MYO1B: variants seen among roughly 807,000 people sequenced by gnomAD.
The protein encoded by MYO1B is myosin IB.
Under a neutral mutation model 159.7 loss-of-function variants are expected in MYO1B, and 72 were observed. The ratio of observed to expected loss-of-function variants is 0.45; its 90% CI spans 0.37 to 0.55. The LOEUF (loss-of-function observed/expected upper bound fraction) is 0.55. Among genes scored for constraint, MYO1B ranks in the 20% least tolerant of loss-of-function variants. The pLI is 0.00. For synonymous variants in MYO1B, 468 were observed against 473.8 expected (o/e 0.99, Z 0.16); for missense variants, 1,062 against 1,364.8 (o/e 0.78, Z 3.50).
chr2:191,374,452 G>A (rs2126050748), intron 13 of MYO1B, among the ~76,000 whole-genome samples: 1 of 152,282 alleles, frequency 6.6e-6, no homozygotes, highest in South Asian at 2.1e-4. Context: ...TTAAAAAAAT[G>A]CGTCTAGTTG....
chr2:191,271,979 G>A (rs1486861907), intron 1 of MYO1B, among the ~76,000 whole-genome samples: 1 of 152,162 alleles, frequency 6.6e-6, no homozygotes, highest in East Asian at 1.9e-4. Flanking sequence ...GTCACAGATG[G>A]CCATTTTCAG....
intron 4 of MYO1B, among the ~76,000 whole-genome samples, chr2:191,336,160 C>T (rs1421312505): frequency 1.3e-5 from 2 of 152,154 alleles, no homozygotes; most frequent in African/African-American, 4.8e-5. Context: ...CGTTAGGAAA[C>T]ATAATTATTT....
At chr2:191,251,451 C>G (rs1686109564) in intron 1 of MYO1B, among the ~76,000 whole-genome samples, 1 of 152,174 alleles carries the variant, frequency 6.6e-6, no homozygotes, top group South Asian at 2.1e-4. Flanking sequence ...TTTTGCTTAT[C>G]AGATAAGCAC....
At chr2:191,373,446 C>T (rs1016290934) in intron 13 of MYO1B, among the ~76,000 whole-genome samples, 2 of 152,166 alleles carry the variant, frequency 1.3e-5, no homozygotes, top group South Asian at 2.1e-4. Context: ...TGCTGCTTGG[C>T]CACTGTATGA....
chr2:191,267,225 C>A, intron 1 of MYO1B, among the ~76,000 whole-genome samples: 1 of 152,090 alleles, frequency 6.6e-6, no homozygotes, highest in Middle Eastern at 3.4e-3. Flanking sequence ...TTGCTTTTAT[C>A]CATTTGTTTG....
rs575651769 is a variant in MYO1B, at chr2:191,425,245, A to G, written c.*1285A>G. 2.6e-5 allele frequency: 4 copies of G among 152,306 alleles called. No individual in the cohort carries two copies. The highest frequency in any genetic ancestry group is 9.6e-5 in the African/African-American group (4 of 41,582). 9.4% of individuals were successfully genotyped at this position (152,306 alleles called of 1,614,324 possible). A position where few individuals can be genotyped will look rare whatever the true frequency, so the allele number is the denominator to read the frequency against. On this transcript the variant is annotated 3_prime_UTR_variant, in exon 31 of 31. Transcript: ENST00000392318. ...ATGTATCATCTCTCAGAAAGGTTTT[A>G]CAATCCAAACATTATATGTTCTCTG...
At chr2:191,260,721 A>G (rs1467303619) in intron 1 of MYO1B, among the ~76,000 whole-genome samples, 1 of 152,178 alleles carries the variant, frequency 6.6e-6, no homozygotes, top group Non-Finnish European at 1.5e-5. Context: ...TGAAACTCAA[A>G]TTTAGTTTTT....
At chr2:191,326,057 T>C (rs1691042426) in intron 3 of MYO1B, among the ~76,000 whole-genome samples, 1 of 152,284 alleles carries the variant, frequency 6.6e-6, no homozygotes, top group Non-Finnish European at 1.5e-5. Flanking sequence ...ATGCCCTTAA[T>C]GTGGTAGGAC....
chr2:191,322,058 A>G (rs950090664), intron 3 of MYO1B, among the ~76,000 whole-genome samples: 1 of 152,190 alleles, frequency 6.6e-6, no homozygotes, highest in Admixed American at 6.5e-5. Context: ...TTGTGAGATA[A>G]CAGCCTGCAG....
chr2:191,384,916 G>A lies in MYO1B; in HGVS notation c.1354-968G>A, dbSNP rs145248087. 1.5e-3 allele frequency among the ~76,000 whole-genome samples: 233 copies of A among 152,284 alleles called. 1 individual carries two copies. The highest frequency in any genetic ancestry group is 2.6e-3 in the Non-Finnish European group (176 of 68,014). ...AAACAATAATGTTTGTTCTGGGGATGTTATGAACACACTTGATTCCTGAGA... is the reference window on the plus strand; with the variant it reads ...AAACAATAATGTTTGTTCTGGGGATATTATGAACACACTTGATTCCTGAGA... On this transcript the variant is annotated intron_variant, in intron 15 of 30. Transcript: ENST00000392318.
In MYO1B at chr2:191,341,953, CT is replaced by C. The variant is rs1020534547; in HGVS notation, c.451+390del. Among the ~76,000 whole-genome samples the C allele has an allele frequency of 5.3e-5, 8 of 152,242 alleles. No homozygotes were observed. In the South Asian group the frequency reaches 8.3e-4, roughly 16 times the overall value. ...AAATGAGGGCTCACCCCGAGAAACA[CT>C]TAAGGACTCATTTTTTCCAGAGTCA... On this transcript the variant is annotated intron_variant, in intron 5 of 30. Coordinates refer to ENST00000392318, the MANE Select transcript of MYO1B (RefSeq NM_001130158.3).
chr2:191,359,861 A>G (rs1014346126), intron 7 of MYO1B, among the ~76,000 whole-genome samples: 31 of 152,226 alleles, frequency 2.0e-4, no homozygotes, highest in Non-Finnish European at 7.3e-5. Flanking sequence ...AGGGCTCCAG[A>G]CAAGAATATC....
chr2:191,293,275 T>C (rs1003488015), intron 2 of MYO1B, among the ~76,000 whole-genome samples: 1 of 152,204 alleles, frequency 6.6e-6, no homozygotes, highest in South Asian at 2.1e-4. Context: ...GGGAAGTGCA[T>C]GCAGGGATGG....
chr2:191,402,672 G>GT lies in MYO1B; in HGVS notation c.2511dup (p.Lys838Ter). 6.2e-7 allele frequency: 1 copy of GT among 1,613,648 alleles called. No individual in the cohort carries two copies. The highest frequency in any genetic ancestry group is 8.5e-7 in the Non-Finnish European group (1 of 1,179,732). On this transcript the variant is annotated frameshift_variant, in exon 24 of 31. Coordinates refer to ENST00000392318, the MANE Select transcript of MYO1B (RefSeq NM_001130158.3). LOFTEE classifies it high-confidence loss of function. ...AAACGCTTGAAGGAGGAGGCTAGGC[G>GT]TAAGCATGCAGTTGCTGTCATTTGG...
Position 191,312,182 on chromosome 2 carries a change from G to A in MYO1B, c.251+15956G>A, listed in dbSNP as rs1469181038. Among the ~76,000 whole-genome samples the A allele has an allele frequency of 2.0e-5, 3 of 152,134 alleles. 1 individual carries two copies. Among genetic ancestry groups the A allele is most frequent in the South Asian group, 4.1e-4 (2 of 4,824 alleles). On this transcript the variant is annotated intron_variant, in intron 3 of 30. Transcript: ENST00000392318. Reference sequence around the variant, plus strand: ...AAGCCAGCGCTAATTAAAAATTCTGGCTGTGAAAATAGAGAAATTGAGTTC... The same window carrying A: ...AAGCCAGCGCTAATTAAAAATTCTGACTGTGAAAATAGAGAAATTGAGTTC...
chr2:191,351,870 G>A (rs1385386132), intron 7 of MYO1B, among the ~76,000 whole-genome samples: 1 of 152,204 alleles, frequency 6.6e-6, no homozygotes. Flanking sequence ...GGGTGACAGA[G>A]TGAGACCCCA....
At chr2:191,331,387 T>A (rs1031867731) in intron 4 of MYO1B, among the ~76,000 whole-genome samples, 1 of 152,188 alleles carries the variant, frequency 6.6e-6, no homozygotes, top group African/African-American at 2.4e-5. Flanking sequence ...GGCACCCCCC[T>A]GGATTTGTTG....
At chr2:191,414,770 C>T in intron 29 of MYO1B, 101 bp downstream of exon 29, 1 of 1,318,878 alleles carries the variant, frequency 7.6e-7, no homozygotes, top group Non-Finnish European at 9.9e-7. Flanking sequence ...ATCTGCCTTG[C>T]TAATTTGCAA....
chr2:191,273,384 A>G (rs1157542056), intron 1 of MYO1B, among the ~76,000 whole-genome samples: 1 of 152,068 alleles, frequency 6.6e-6, no homozygotes, highest in Non-Finnish European at 1.5e-5. Flanking sequence ...CGGCCTCCCA[A>G]AGTGTTGGGA....
Sources: gnomAD v4.1 joint callset for allele counts (sites outside exome capture counted in the v4.1 genomes callset) on GRCh38, gnomAD v4.1.1 for gene constraint, MANE v1.5 for transcripts, NCBI Gene and HGNC (gene_info 2026-07-23, HGNC 2026-07-21) for gene names.